Variants in ABI3BP observed in about 807,000 individuals in gnomAD.
ABI3BP encodes target of Nesh-SH3.
A neutral mutation model predicts 268.6 loss-of-function variants in ABI3BP; 216 were observed. The observed-to-expected ratio is 0.80, with a 90% CI of 0.72 to 0.90. ABI3BP has a LOEUF of 0.90. ABI3BP is among the 40% of genes least tolerant of loss of function. The pLI is 0.00. For missense variants in ABI3BP, 2,090 were observed against 2,182.4 expected, an observed-to-expected ratio of 0.96 and a Z score of 0.84; for synonymous variants, 730 against 730.0, an observed-to-expected ratio of 1.00 and a Z score of 0.00.
At chr3:100,959,060 A>G (rs2077866976) in intron 1 of ABI3BP, among the ~76,000 whole-genome samples, 1 of 152,144 alleles carries the variant, frequency 6.6e-6, no homozygotes, top group Non-Finnish European at 1.5e-5. Context: ...GATCCGCTGC[A>G]GCCAGAATAA....
chr3:100,753,750 T>G (rs1306194721), intron 65 of ABI3BP, 69 bp downstream of exon 65: 10 of 1,540,252 alleles, frequency 6.5e-6, no homozygotes, highest in Non-Finnish European at 8.9e-6. Flanking sequence ...ATTCAGATTC[T>G]GCCATGCCTG....
intron 64 of ABI3BP, 62 bp from the exon 65 acceptor site, chr3:100,753,910 A>G (rs2095475373): frequency 3.3e-6 from 5 of 1,505,060 alleles, no homozygotes; most frequent in Admixed American, 3.7e-5. Flanking sequence ...TTCCAGTGGC[A>G]TGGTGAAGAT....
chr3:100,770,678 C>A, intron 62 of ABI3BP, 65 bp downstream of exon 62: 1 of 1,365,648 alleles, frequency 7.3e-7, no homozygotes, highest in South Asian at 2.1e-5. Flanking sequence ...CCCAGGGTAC[C>A]CCACTCCCAG....
At chr3:100,899,621 C>T (rs979334507) in intron 3 of ABI3BP, among the ~76,000 whole-genome samples, 2 of 152,132 alleles carry the variant, frequency 1.3e-5, no homozygotes, top group African/African-American at 4.8e-5. Flanking sequence ...GGCACTTGCA[C>T]TTTCAAAATT....
At position 100,890,879 on chromosome 3, in the gene ABI3BP, C is replaced by T. The variant is rs1277915487; in HGVS notation, c.462-4556G>A. 3.3e-5 allele frequency among the ~76,000 whole-genome samples: 5 copies of T among 152,090 alleles called. No individual in the cohort carries two copies. The South Asian group carries it at 8.3e-4, about 25-fold the overall frequency. On this transcript the variant is annotated intron_variant, in intron 4 of 67. Transcript: ENST00000471714. ...TGTCAAATCCAAGTATATTTTCTTA[C>T]ATGAATTCTCTTCCACTTGCCTCTC... is the stretch of plus-strand genomic sequence containing the variant.
At chr3:100,822,840 T>G (rs994775155) in intron 37 of ABI3BP, among the ~76,000 whole-genome samples, 168 bp from the exon 38 acceptor site, 1 of 152,162 alleles carries the variant, frequency 6.6e-6, no homozygotes, top group Non-Finnish European at 1.5e-5. Flanking sequence ...AGAAAGCTCC[T>G]TAAGACAAAA....
chr3:100,862,938 G>T, intron 12 of ABI3BP, 29 bp from the exon 13 acceptor site: 1 of 1,465,034 alleles, frequency 6.8e-7, no homozygotes, highest in Non-Finnish European at 9.2e-7. Context: ...AGAAAGTTAC[G>T]ACCTGAGGTG....
At chr3:100,790,436 T>A (rs751484049) in intron 55 of ABI3BP, among the ~76,000 whole-genome samples, 1 of 152,032 alleles carries the variant, frequency 6.6e-6, no homozygotes, top group Non-Finnish European at 1.5e-5. Flanking sequence ...TTTTAATGAT[T>A]TTATTCACAT....
chr3:100,951,645 C>G (rs541629525), intron 1 of ABI3BP, among the ~76,000 whole-genome samples: 2 of 151,902 alleles, frequency 1.3e-5, no homozygotes, highest in African/African-American at 4.9e-5. Flanking sequence ...GTCCTAGGCA[C>G]CCAAGTCACA....
At chr3:100,845,446 A>G (rs1165852279) in intron 20 of ABI3BP, among the ~76,000 whole-genome samples, 1 of 152,186 alleles carries the variant, frequency 6.6e-6, no homozygotes, top group African/African-American at 2.4e-5. Context: ...TACAGGGAGT[A>G]ATGAGAATTT....
chr3:100,899,802 C>T (rs1236946892), intron 3 of ABI3BP, among the ~76,000 whole-genome samples: 1 of 152,142 alleles, frequency 6.6e-6, no homozygotes, highest in Non-Finnish European at 1.5e-5. Flanking sequence ...GTTGAATTCC[C>T]TCTTTTATTT....
chr3:100,839,498 C>T, intron 24 of ABI3BP, 71 bp downstream of exon 24: 3 of 1,457,638 alleles, frequency 2.1e-6, no homozygotes, highest in Non-Finnish European at 2.8e-6. Context: ...GCAGTCATGC[C>T]TGTAATGGAG....
At position 100,866,973 on chromosome 3, in the gene ABI3BP, C is replaced by T; in HGVS notation, c.911-17G>A. 2.5e-6 allele frequency: 4 copies of T among 1,606,810 alleles called. No individual in the cohort carries two copies. In the Middle Eastern group the frequency reaches 6.6e-4, roughly 266 times the overall value. On this transcript the variant is annotated splice_polypyrimidine_tract_variant and intron_variant, in intron 9 of 67. Transcript: ENST00000471714. ...CATTCTTAGCTAAAAAGTCAGAGAA[C>T]AAACAATTTATCTCACTTGCAGTGT...
intron 1 of ABI3BP, among the ~76,000 whole-genome samples, chr3:100,933,113 G>C (rs1008308030): frequency 6.6e-6 from 1 of 151,902 alleles, no homozygotes; most frequent in Non-Finnish European, 1.5e-5. Flanking sequence ...CAAGAGAAAA[G>C]CTGCAAAATA....
chr3:100,951,325 A>G (rs867184077), intron 1 of ABI3BP, among the ~76,000 whole-genome samples: 2 of 151,804 alleles, frequency 1.3e-5, no homozygotes, highest in African/African-American at 4.9e-5. Flanking sequence ...CTCATTTTCC[A>G]TGAAATTTCC....
intron 55 of ABI3BP, 61 bp from the exon 56 acceptor site, chr3:100,789,577 T>C: frequency 1.3e-6 from 2 of 1,502,324 alleles, no homozygotes; most frequent in South Asian, 1.2e-5. Context: ...TGAATGGAGA[T>C]TTAGCATCCT....
intron 38 of ABI3BP, 130 bp from the exon 39 acceptor site, chr3:100,821,243 TA>T (rs1401098547): frequency 2.7e-6 from 2 of 753,920 alleles, no homozygotes; most frequent in Admixed American, 2.7e-5. Context: ...TAAAAACTGT[TA>T]AAACTAAAAA....
Position 100,768,340 on chromosome 3 carries a change from A to T in ABI3BP, c.4742-2391T>A, listed in dbSNP as rs577729177. On this transcript the variant is annotated intron_variant, in intron 62 of 67. Coordinates refer to ENST00000471714, the MANE Select transcript of ABI3BP (RefSeq NM_001375547.2). ...CCTGACCTCGTAATCCGCCCACCTC[A>T]GCCTCCCAGAGTGCTGGGATTACAG... is the stretch of plus-strand genomic sequence containing the variant. 4.7e-3 allele frequency among the ~76,000 whole-genome samples: 713 copies of T among 152,172 alleles called. 4 individuals carry two copies. The highest frequency in any genetic ancestry group is 0.016 in the African/African-American group (644 of 41,516).
intron 63 of ABI3BP, among the ~76,000 whole-genome samples, chr3:100,758,072 C>T (rs921696747): frequency 4.6e-5 from 7 of 151,942 alleles, no homozygotes; most frequent in African/African-American, 1.5e-4. Flanking sequence ...CCTGATTCTA[C>T]CTGGGTAGGT....
Sources: gnomAD v4.1 joint callset for allele counts (sites outside exome capture counted in the v4.1 genomes callset) on GRCh38, gnomAD v4.1.1 for gene constraint, MANE v1.5 for transcripts, NCBI Gene and HGNC (gene_info 2026-07-23, HGNC 2026-07-21) for gene names.